BMP2K: variants seen among roughly 807,000 people sequenced by gnomAD.
The protein encoded by BMP2K is BMP-2-inducible protein kinase.
In BMP2K, 74 loss-of-function variants were observed where a neutral mutation model predicts 116.0. That is an observed-to-expected ratio of 0.64 (90% CI 0.53 to 0.77). BMP2K has a LOEUF of 0.77. BMP2K is among the 30% of genes least tolerant of loss of function. The pLI is 0.00. For synonymous variants in BMP2K, 486 were observed against 502.5 expected, an observed-to-expected ratio of 0.97 and a Z score of 0.44; for missense variants, 1,365 against 1,403.6, an observed-to-expected ratio of 0.97 and a Z score of 0.44.
intron 3 of BMP2K, among the ~76,000 whole-genome samples, chr4:78,836,074 T>G (rs1730463310): frequency 6.6e-6 from 1 of 152,156 alleles, no homozygotes; most frequent in Non-Finnish European, 1.5e-5. Context: ...TTCATTTGCC[T>G]AATTTTCTTC....
chr4:78,894,466 G>T (rs1234159564), intron 15 of BMP2K, among the ~76,000 whole-genome samples: 3 of 152,156 alleles, frequency 2.0e-5, no homozygotes, highest in Non-Finnish European at 4.4e-5. Context: ...TACAGCTCAT[G>T]ATCCAACCTC....
chr4:78,777,603 T>TA (rs1372785357), intron 1 of BMP2K, among the ~76,000 whole-genome samples: 1 of 152,248 alleles, frequency 6.6e-6, no homozygotes, highest in Non-Finnish European at 1.5e-5. Context: ...TTTGAGTTTT[T>TA]AGTTGCAAAA....
intron 2 of BMP2K, among the ~76,000 whole-genome samples, chr4:78,829,787 T>TCTC (rs1730089748): frequency 1.9e-3 from 164 of 86,624 alleles, no homozygotes; most frequent in East Asian, 4.6e-3. Context: ...TTTCTTTTCT[T>TCTC]TTCTCTTCTC....
At position 78,850,927 on chromosome 4, in the gene BMP2K, C is replaced by T. The variant is rs775112302; in HGVS notation, c.754C>T (p.Leu252=). Reference sequence around the variant, plus strand: ...TTTATGCTTCTTTGGTTTACAGGCACTGGGATGTCTACTCTATAAACTTTG... The same window carrying T: ...TTTATGCTTCTTTGGTTTACAGGCATTGGGATGTCTACTCTATAAACTTTG... ...PITTKADIWA[L]GCLLYKLCFF... is the part of the protein sequence containing the mutation. The change falls in exon 7 of 16, where the codon CTG becomes TTG. Residue 252 remains leucine, a synonymous_variant. Transcript: ENST00000502613. 1 of 1,611,226 alleles carries T rather than the reference C, an allele frequency of 6.2e-7. No homozygotes were observed.
At chr4:78,808,941 A>G (rs908228688) in intron 1 of BMP2K, among the ~76,000 whole-genome samples, 4 of 152,122 alleles carry the variant, frequency 2.6e-5, no homozygotes, top group Non-Finnish European at 5.9e-5. Flanking sequence ...GTTGAGGGGA[A>G]TGTTCTATAA....
At chr4:78,893,298 T>A (rs1417091617) in intron 15 of BMP2K, among the ~76,000 whole-genome samples, 1 of 152,212 alleles carries the variant, frequency 6.6e-6, no homozygotes, top group East Asian at 1.9e-4. Flanking sequence ...ATTTTTAGGT[T>A]CTATTTCTAG....
chr4:78,830,396 C>G (rs1014199548), intron 2 of BMP2K, among the ~76,000 whole-genome samples: 1 of 152,160 alleles, frequency 6.6e-6, no homozygotes, highest in African/African-American at 2.4e-5. Context: ...TAGCATAGTT[C>G]TTAAGGGCTT....
intron 1 of BMP2K, among the ~76,000 whole-genome samples, chr4:78,780,547 T>A (rs1727454364): frequency 6.6e-6 from 1 of 152,218 alleles, no homozygotes; most frequent in Admixed American, 6.5e-5. Flanking sequence ...GATTTAAGCA[T>A]TATATCTCAT....
At chr4:78,846,405 G>T (rs1460282684) in intron 5 of BMP2K, among the ~76,000 whole-genome samples, 1 of 151,624 alleles carries the variant, frequency 6.6e-6, no homozygotes, top group African/African-American at 2.4e-5. Context: ...GAAAAAGTAA[G>T]ATAGTAGAAT....
Position 78,827,542 on chromosome 4 carries a change from A to G in BMP2K, c.297+1387A>G, listed in dbSNP as rs775908843. 2.0e-4 allele frequency among the ~76,000 whole-genome samples: 30 copies of G among 152,102 alleles called. 1 individual carries two copies. The highest frequency in any genetic ancestry group is 7.0e-4 in the African/African-American group (29 of 41,400). ...ATGTCTGCACTGCTGCAGTACCCCT[A>G]TGTGTGCTCATAGACACATAGCACA... is the stretch of plus-strand genomic sequence containing the variant. On this transcript the variant is annotated intron_variant, in intron 2 of 15. Coordinates refer to ENST00000502613, the MANE Select transcript of BMP2K (RefSeq NM_198892.2).
intron 7 of BMP2K, among the ~76,000 whole-genome samples, chr4:78,856,728 C>G (rs1268073425): frequency 6.6e-6 from 1 of 152,050 alleles, no homozygotes; most frequent in African/African-American, 2.4e-5. Context: ...AAATTTAGAT[C>G]TAAAGCCGAA....
chr4:78,866,241 A>C (rs2110052489), intron 10 of BMP2K, among the ~76,000 whole-genome samples: 1 of 152,352 alleles, frequency 6.6e-6, no homozygotes, highest in African/African-American at 2.4e-5. Context: ...GTACTTAAAA[A>C]AAATTTTTCC....
chr4:78,818,547 C>T (rs1729466527), intron 1 of BMP2K, among the ~76,000 whole-genome samples: 1 of 152,190 alleles, frequency 6.6e-6, no homozygotes, highest in South Asian at 2.1e-4. Flanking sequence ...CTTCATTTAA[C>T]ACCTCACATT....
intron 3 of BMP2K, among the ~76,000 whole-genome samples, chr4:78,842,070 A>AAAT (rs1730785336): frequency 6.6e-6 from 1 of 152,068 alleles, no homozygotes; most frequent in Non-Finnish European, 1.5e-5. Context: ...TTTAGCCCAT[A>AAAT]AATAGTATGG....
At chr4:78,841,290 TTA>T (rs1042068199) in intron 3 of BMP2K, among the ~76,000 whole-genome samples, 4 of 152,188 alleles carry the variant, frequency 2.6e-5, no homozygotes, top group Non-Finnish European at 4.4e-5. Context: ...AATGAATGCT[TTA>T]TGTTTTTTTG....
chr4:78,906,234 T>C (rs1445803028), intron 15 of BMP2K: 1 of 152,160 alleles, frequency 6.6e-6, no homozygotes, highest in African/African-American at 2.4e-5. Flanking sequence ...CTTTACTTTT[T>C]ATAAGTTTAT....
chr4:78,826,319 A>C (rs1729871865), intron 2 of BMP2K, among the ~76,000 whole-genome samples, 164 bp downstream of exon 2: 1 of 152,156 alleles, frequency 6.6e-6, no homozygotes. Context: ...CTCATGCCTC[A>C]GACTCCCAAG....
At chr4:78,848,981 A>G (rs545586669) in intron 6 of BMP2K, among the ~76,000 whole-genome samples, 31 of 151,590 alleles carry the variant, frequency 2.0e-4, no homozygotes, top group African/African-American at 6.5e-4. Flanking sequence ...ACTAAATTCA[A>G]ATTGGCCAAG....
intron 1 of BMP2K, among the ~76,000 whole-genome samples, chr4:78,779,992 G>A (rs1342014427): frequency 6.6e-6 from 1 of 152,096 alleles, no homozygotes; most frequent in Non-Finnish European, 1.5e-5. Flanking sequence ...AGGGAGAGCG[G>A]TATGTTGGTT....
Sources: gnomAD v4.1 joint callset for allele counts (sites outside exome capture counted in the v4.1 genomes callset) on GRCh38, gnomAD v4.1.1 for gene constraint, MANE v1.5 for transcripts, NCBI Gene and HGNC (gene_info 2026-07-23, HGNC 2026-07-21) for gene names.